SNX29: variants seen among roughly 807,000 people sequenced by gnomAD.
SNX29 encodes sorting nexin-29.
Under a neutral mutation model 102.1 loss-of-function variants are expected in SNX29, and 78 were observed. The observed-to-expected ratio is 0.76, with a 90% confidence interval of 0.64 to 0.92. The LOEUF (loss-of-function observed/expected upper bound fraction) is 0.92. Ranked by LOEUF, SNX29 falls within the 40% of genes least tolerant of loss-of-function variation. SNX29 has a pLI of 0.00. For synonymous variants in SNX29, 580 were observed against 414.5 expected (o/e 1.40, Z -4.85); for missense variants, 1,280 against 1,061.7 (o/e 1.21, Z -2.86).
At chr16:12,267,844 C>T (rs958728310) in intron 14 of SNX29, among the ~76,000 whole-genome samples, 4 of 151,930 alleles carry the variant, frequency 2.6e-5, no homozygotes, top group Admixed American at 6.5e-5. Context: ...TCTTCTGAAT[C>T]CTCCAGGGGC....
At chr16:12,205,005 C>T (rs972798757) in intron 14 of SNX29, among the ~76,000 whole-genome samples, 4 of 152,188 alleles carry the variant, frequency 2.6e-5, no homozygotes, top group African/African-American at 9.7e-5. Context: ...ATCCCCGATT[C>T]CACACCTGCG....
chr16:12,368,039 T>G (rs1289509994), intron 16 of SNX29, among the ~76,000 whole-genome samples: 1 of 152,212 alleles, frequency 6.6e-6, no homozygotes, highest in East Asian at 1.9e-4. Context: ...ACATGCTCCT[T>G]GCTGTTCATG....
chr16:12,228,282 C>T (rs1002812584), intron 14 of SNX29, among the ~76,000 whole-genome samples: 1 of 152,238 alleles, frequency 6.6e-6, no homozygotes, highest in Non-Finnish European at 1.5e-5. Flanking sequence ...ACACCCATGG[C>T]AGGCATCATT....
At chr16:12,224,982 A>C (rs558981989) in intron 14 of SNX29, among the ~76,000 whole-genome samples, 15 of 152,334 alleles carry the variant, frequency 9.8e-5, no homozygotes, top group African/African-American at 3.4e-4. Context: ...GCTCTGTTCC[A>C]GCAAGGGTGG....
intron 11 of SNX29, among the ~76,000 whole-genome samples, chr16:12,117,854 G>A (rs993959879): frequency 6.6e-6 from 1 of 152,152 alleles, no homozygotes; most frequent in African/African-American, 2.4e-5. Flanking sequence ...CCAGCACTTT[G>A]AGAGGCTGAG....
chr16:12,540,677 T>G (rs1262317223), intron 20 of SNX29, among the ~76,000 whole-genome samples: 1 of 152,160 alleles, frequency 6.6e-6, no homozygotes, highest in East Asian at 1.9e-4. Flanking sequence ...CAGCTGCTGG[T>G]CCCTCTTGTT....
chr16:12,413,909 C>CG (rs2084512742), intron 18 of SNX29, among the ~76,000 whole-genome samples: 1 of 152,138 alleles, frequency 6.6e-6, no homozygotes. Flanking sequence ...GGATTGGTTC[C>CG]GGGACCCCCC....
intron 18 of SNX29, among the ~76,000 whole-genome samples, chr16:12,446,047 CTTTTTTTTTTTTTTTT>C (rs60889973): frequency 1.0e-5 from 1 of 98,592 alleles, no homozygotes; most frequent in Non-Finnish European, 1.9e-5. Context: ...GCTTCTCATT[CTTTTTTTTTTTTTTTT>C]TTTTTTTTTT....
chr16:12,398,727 T>G (rs892468487), intron 17 of SNX29, among the ~76,000 whole-genome samples: 7 of 151,964 alleles, frequency 4.6e-5, no homozygotes, highest in African/African-American at 1.7e-4. Flanking sequence ...TTTTTTTTTT[T>G]GGCTGACATT....
intron 13 of SNX29, among the ~76,000 whole-genome samples, chr16:12,189,674 A>G (rs1219584601): frequency 1.5e-4 from 23 of 152,068 alleles, no homozygotes; most frequent in Non-Finnish European, 3.4e-4. Context: ...AGCTCGAAAT[A>G]CCCTATTATG....
chr16:12,520,922 G>GGT (rs1411955582), intron 19 of SNX29, among the ~76,000 whole-genome samples: 5 of 152,166 alleles, frequency 3.3e-5, no homozygotes, highest in African/African-American at 1.2e-4. Flanking sequence ...TTCAAGGCCG[G>GGT]GTGCAGTAGC....
At chr16:12,390,348 C>T (rs1444832279) in intron 16 of SNX29, among the ~76,000 whole-genome samples, 2 of 152,136 alleles carry the variant, frequency 1.3e-5, no homozygotes, top group African/African-American at 4.8e-5. Flanking sequence ...CCGTGCTCAT[C>T]TCCCTTATGC....
chr16:12,384,960 C>T (rs1429887753), intron 16 of SNX29, among the ~76,000 whole-genome samples: 2 of 152,184 alleles, frequency 1.3e-5, no homozygotes, highest in Non-Finnish European at 2.9e-5. Context: ...CACCTGAGGT[C>T]AGGAGTTCAA....
chr16:12,450,552 G>A (rs1172978611), intron 18 of SNX29, among the ~76,000 whole-genome samples: 1 of 152,194 alleles, frequency 6.6e-6, no homozygotes, highest in Non-Finnish European at 1.5e-5. Flanking sequence ...CTGATTGGCT[G>A]AGGCCCGAAT....
chr16:12,400,540 GGCC>G (rs941639082), intron 17 of SNX29, among the ~76,000 whole-genome samples: 13 of 152,046 alleles, frequency 8.6e-5, no homozygotes, highest in Admixed American at 5.9e-4. Flanking sequence ...TCCTCAACTT[GGCC>G]AACTCTAAAT....
At chr16:12,255,607 C>T (rs947461188) in intron 14 of SNX29, among the ~76,000 whole-genome samples, 1 of 148,176 alleles carries the variant, frequency 6.7e-6, no homozygotes, top group African/African-American at 2.6e-5. Context: ...CATAAGATTC[C>T]ATATGAGTGA....
At chr16:12,544,149 A>T (rs894024096) in intron 20 of SNX29, among the ~76,000 whole-genome samples, 2 of 152,208 alleles carry the variant, frequency 1.3e-5, no homozygotes, top group Admixed American at 6.5e-5. Context: ...CACCGGCATC[A>T]TTCCTAAGAA....
At chr16:12,568,438 C>CCT in intron 20 of SNX29, 68 bp from the exon 21 acceptor site, 1 of 1,586,190 alleles carries the variant, frequency 6.3e-7, no homozygotes. Flanking sequence ...ACCTGGCTCC[C>CCT]CTTCCTGGCC....
chr16:12,183,772 T>C (rs887940302), intron 13 of SNX29, among the ~76,000 whole-genome samples: 1 of 152,080 alleles, frequency 6.6e-6, no homozygotes, highest in African/African-American at 2.4e-5. Context: ...AAGATACAGG[T>C]CCCAAAGACC....
Sources: allele counts gnomAD v4.1 joint callset (sites outside exome capture counted in the v4.1 genomes callset), GRCh38; gene constraint gnomAD v4.1.1; transcripts MANE v1.5; gene names NCBI Gene and HGNC (gene_info 2026-07-23, HGNC 2026-07-21).